The following LIPK variants were observed in gnomAD, a reference collection of about 807,000 sequenced individuals.
The protein encoded by LIPK is lipase member K.
In LIPK, 32 loss-of-function variants were observed where a neutral mutation model predicts 48.6. The ratio of observed to expected loss-of-function variants is 0.66; its 90% CI spans 0.50 to 0.88. The LOEUF (loss-of-function observed/expected upper bound fraction) is 0.88. Among genes scored for constraint, LIPK ranks in the 40% least tolerant of loss-of-function variants. The pLI is 0.00. For synonymous variants in LIPK, 164 were observed against 157.4 expected, an observed-to-expected ratio of 1.04 and a Z score of -0.32; for missense variants, 507 against 478.5, an observed-to-expected ratio of 1.06 and a Z score of -0.56.
intron 9 of LIPK, among the ~76,000 whole-genome samples, chr10:88,744,161 C>A (rs1842730593): frequency 2.6e-5 from 4 of 152,228 alleles, no homozygotes; most frequent in African/African-American, 9.6e-5. Flanking sequence ...CTCAGGGTTC[C>A]TGCCTGGCTG....
chr10:88,711,829 T>A (rs1842032934), intron 1 of LIPK, among the ~76,000 whole-genome samples: 1 of 152,134 alleles, frequency 6.6e-6, no homozygotes, highest in African/African-American at 2.4e-5. Context: ...AATAATTTTT[T>A]AATCTTTTTT....
rs551007802 is a variant in LIPK, at chr10:88,739,431, G to T, written c.817-565G>T. Among the ~76,000 whole-genome samples, 57 of 152,294 alleles carry T rather than the reference G, an allele frequency of 3.7e-4. 1 individual carries two copies. Among genetic ancestry groups the T allele is most frequent in the Non-Finnish European group, 6.9e-4 (47 of 68,020 alleles). On this transcript the variant is annotated intron_variant, in intron 7 of 9. Transcript: ENST00000404190. ...ATTTCCTTTTGTCTTTGCCCCGTGG[G>T]ATGCCCTCTGTAGGCTTTCTGAAGA...
At chr10:88,706,771 G>A (rs1841943152) in intron 1 of LIPK, among the ~76,000 whole-genome samples, 1 of 152,086 alleles carries the variant, frequency 6.6e-6, no homozygotes, top group African/African-American at 2.4e-5. Flanking sequence ...TTTATGATCA[G>A]GGTCATCTGC....
At chr10:88,749,343 C>A (rs1022005340) in intron 9 of LIPK, among the ~76,000 whole-genome samples, 1 of 152,084 alleles carries the variant, frequency 6.6e-6, no homozygotes, top group Non-Finnish European at 1.5e-5. Context: ...AAGCTGGAGG[C>A]ATTACTTGAC....
chr10:88,749,658 C>G (rs1204499002), intron 9 of LIPK, among the ~76,000 whole-genome samples: 1 of 99,576 alleles, frequency 1.0e-5, no homozygotes, highest in Non-Finnish European at 2.1e-5. Flanking sequence ...ACTATAAAAA[C>G]CCTAAAAGAA....
At chr10:88,713,434 G>T (rs1554953211) in intron 1 of LIPK, among the ~76,000 whole-genome samples, 1 of 151,070 alleles carries the variant, frequency 6.6e-6, no homozygotes, top group African/African-American at 2.4e-5. Flanking sequence ...CTGGCGACTA[G>T]AAAAAAAGAG....
intron 3 of LIPK, among the ~76,000 whole-genome samples, 154 bp from the exon 4 acceptor site, chr10:88,730,829 T>C (rs1026805243): frequency 6.6e-6 from 1 of 152,184 alleles, no homozygotes; most frequent in African/African-American, 2.4e-5. Flanking sequence ...CTTACCCAAG[T>C]AAGTAGCTCA....
chr10:88,713,378 T>C (rs1158368196), intron 1 of LIPK, among the ~76,000 whole-genome samples: 1 of 103,042 alleles, frequency 9.7e-6, no homozygotes, highest in Non-Finnish European at 1.9e-5. Flanking sequence ...ATTGTCCTAA[T>C]TGCATTTTGA....
intron 1 of LIPK, among the ~76,000 whole-genome samples, chr10:88,715,575 A>G (rs1842100762): frequency 6.6e-6 from 1 of 151,908 alleles, no homozygotes; most frequent in South Asian, 2.1e-4. Flanking sequence ...CGCTTTTTTT[A>G]TACATATTAT....
intron 7 of LIPK, among the ~76,000 whole-genome samples, chr10:88,738,384 T>A (rs948252127): frequency 6.6e-6 from 1 of 152,118 alleles, no homozygotes. Flanking sequence ...AAACCAGAAG[T>A]AGGATAAGGC....
intron 3 of LIPK, chr10:88,729,009 G>A (rs1380657348): frequency 1.9e-5 from 3 of 153,872 alleles, no homozygotes; most frequent in African/African-American, 7.2e-5. Flanking sequence ...TGGGCAACTG[G>A]AGACCCATCT....
At chr10:88,723,788 T>A (rs1397163308) in intron 1 of LIPK, among the ~76,000 whole-genome samples, 1 of 152,048 alleles carries the variant, frequency 6.6e-6, no homozygotes, top group Non-Finnish European at 1.5e-5. Flanking sequence ...TTTTTTTCTA[T>A]TATGGTTTGT....
chr10:88,732,632 T>C, intron 6 of LIPK, 81 bp downstream of exon 6: 2 of 1,374,990 alleles, frequency 1.5e-6, no homozygotes, highest in Non-Finnish European at 1.0e-6. Flanking sequence ...ACCAATGACA[T>C]TTTACAAACT....
At chr10:88,721,785 T>G (rs1487051159) in intron 1 of LIPK, among the ~76,000 whole-genome samples, 2 of 152,140 alleles carry the variant, frequency 1.3e-5, no homozygotes, top group East Asian at 3.9e-4. Flanking sequence ...CGCCAGCCAC[T>G]CAGCAGAAAT....
Position 88,752,649 on chromosome 10 carries a change from A to C in LIPK, c.1093A>C (p.Lys365Gln). Residue 365 changes from lysine to glutamine, a missense_variant, in exon 10 of 10, where the codon AAG (lysine) becomes CAG (glutamine). Coordinates refer to ENST00000404190, the MANE Select transcript of LIPK (RefSeq NM_001080518.2). The part of the protein sequence containing the change: ...LPQIANLIYY[K>Q]LIPHYNHVDF... ...TCAAATTGCTAACCTTATTTATTAC[A>C]AGCTGATTCCACACTACAATCATGT... 6.4e-7 allele frequency: 1 copy of C among 1,574,234 alleles called. No homozygotes were observed. The highest frequency in any genetic ancestry group is 8.6e-7 in the Non-Finnish European group (1 of 1,157,612).
At chr10:88,749,297 C>G (rs771201310) in intron 9 of LIPK, among the ~76,000 whole-genome samples, 3 of 152,106 alleles carry the variant, frequency 2.0e-5, no homozygotes, top group African/African-American at 4.8e-5. Flanking sequence ...CCAAAAGAAG[C>G]CTGAATAGTC....
chr10:88,745,961 AAGACC>A (rs1358428205), intron 9 of LIPK, among the ~76,000 whole-genome samples: 3 of 152,230 alleles, frequency 2.0e-5, no homozygotes, highest in Non-Finnish European at 4.4e-5. Flanking sequence ...GAAAAGAAAA[AAGACC>A]AGGGGTTGCT....
chr10:88,713,259 A>G (rs1053493506), intron 1 of LIPK, among the ~76,000 whole-genome samples: 20 of 152,232 alleles, frequency 1.3e-4, no homozygotes, highest in African/African-American at 4.6e-4. Context: ...AGCACCTACC[A>G]ATAGAGTTGT....
chr10:88,747,665 A>G (rs1379786927), intron 9 of LIPK, among the ~76,000 whole-genome samples: 1 of 152,178 alleles, frequency 6.6e-6, no homozygotes, highest in African/African-American at 2.4e-5. Context: ...AAAGCTCAAC[A>G]TCACTGATCA....
Sources: gnomAD v4.1 joint callset for allele counts (sites outside exome capture counted in the v4.1 genomes callset) on GRCh38, gnomAD v4.1.1 for gene constraint, MANE v1.5 for transcripts, NCBI Gene and HGNC (gene_info 2026-07-23, HGNC 2026-07-21) for gene names.